The following MAST2 variants were observed in gnomAD, a reference collection of about 807,000 sequenced individuals.
MAST2 encodes the protein microtubule associated serine/threonine kinase 2.
In MAST2, 70 loss-of-function variants were observed where a neutral mutation model predicts 147.4. The ratio of observed to expected loss-of-function variants is 0.47; its 90% CI spans 0.39 to 0.58. The LOEUF (loss-of-function observed/expected upper bound fraction) is 0.58. MAST2 is among the 20% of genes least tolerant of loss of function. The pLI, the probability that MAST2 is intolerant of heterozygous loss-of-function variation, is 0.00. For synonymous variants in MAST2, 869 were observed against 896.8 expected, an observed-to-expected ratio of 0.97 and a Z score of 0.55; for missense variants, 2,080 against 2,302.3, an observed-to-expected ratio of 0.90 and a Z score of 1.98.
intron 3 of MAST2, among the ~76,000 whole-genome samples, chr1:45,855,791 G>C (rs938172403): frequency 3.3e-5 from 5 of 152,038 alleles, no homozygotes; most frequent in African/African-American, 9.7e-5. Flanking sequence ...TTTTCAAATA[G>C]GACAGTTTTA....
intron 3 of MAST2, among the ~76,000 whole-genome samples, chr1:45,871,220 C>T (rs1395387555): frequency 2.7e-5 from 4 of 147,754 alleles, no homozygotes; most frequent in Admixed American, 1.3e-4. Context: ...TTACTGTCCC[C>T]TTTTTTTTTT....
intron 5 of MAST2, among the ~76,000 whole-genome samples, chr1:45,990,842 TC>T (rs1234384014): frequency 2.0e-5 from 3 of 152,164 alleles, no homozygotes; most frequent in Non-Finnish European, 4.4e-5. Context: ...TTTTTCATTC[TC>T]TTAACAGTAT....
At chr1:45,915,892 A>G (rs1185367627) in intron 4 of MAST2, among the ~76,000 whole-genome samples, 4 of 152,198 alleles carry the variant, frequency 2.6e-5, no homozygotes, top group African/African-American at 9.6e-5. Flanking sequence ...AATTAGTTCT[A>G]ACATATATAT....
At position 46,034,264 on chromosome 1, in the gene MAST2, C is replaced by G. The variant is rs1177755422; in HGVS notation, c.3866C>G (p.Ser1289Ter). ...CGGGTGACCCCCGATGCTGTGCATT[C>G]AGGTACGAAGGGCTCCCTGCAGATC... Reference protein sequence around the residue: ...GYRVTPDAVHSVGGNSSQSSS... With the variant: ...GYRVTPDAVH The change falls in exon 28 of 29, where the codon TCA (serine) becomes TGA (stop). Residue 1289 changes from serine (S) to a stop codon, truncating the protein, a stop_gained and splice_region_variant. Transcript: ENST00000361297. LOFTEE classifies it low-confidence loss of function (END_TRUNC). 1.2e-6 allele frequency: 2 copies of G among 1,611,388 alleles called. No homozygotes were observed. Among genetic ancestry groups the G allele is most frequent in the Non-Finnish European group, 1.7e-6 (2 of 1,178,570 alleles).
intron 5 of MAST2, among the ~76,000 whole-genome samples, chr1:45,985,778 T>G (rs1329622186): frequency 6.6e-6 from 1 of 152,256 alleles, no homozygotes; most frequent in Non-Finnish European, 1.5e-5. Context: ...ATTTAGATCA[T>G]CTTTAATTTC....
chr1:45,890,643 T>C (rs1472880195), intron 4 of MAST2, among the ~76,000 whole-genome samples: 1 of 152,186 alleles, frequency 6.6e-6, no homozygotes, highest in African/African-American at 2.4e-5. Flanking sequence ...ATAGTCAGAT[T>C]GGGGGTAAAA....
chr1:45,834,912 CA>C (rs1386917876), intron 3 of MAST2, among the ~76,000 whole-genome samples: 1 of 151,904 alleles, frequency 6.6e-6, no homozygotes, highest in African/African-American at 2.4e-5. Flanking sequence ...TCCATCCGCC[CA>C]AGCCAGTTCT....
At chr1:45,951,316 C>T (rs562612554) in intron 4 of MAST2, among the ~76,000 whole-genome samples, 1 of 152,212 alleles carries the variant, frequency 6.6e-6, no homozygotes, top group African/African-American at 2.4e-5. Context: ...GACATGATGG[C>T]TTATGCCTGT....
intron 1 of MAST2, among the ~76,000 whole-genome samples, chr1:45,810,269 A>G (rs560403941): frequency 6.6e-6 from 1 of 152,334 alleles, no homozygotes; most frequent in African/African-American, 2.4e-5. Flanking sequence ...AGTTCCTAAA[A>G]TACCCTCAGT....
At chr1:45,940,786 A>G (rs1331198469) in intron 4 of MAST2, among the ~76,000 whole-genome samples, 1 of 151,824 alleles carries the variant, frequency 6.6e-6, no homozygotes, top group Non-Finnish European at 1.5e-5. Context: ...CGCCCTGCTA[A>G]TTTTTTTGTA....
At chr1:45,877,336 C>T (rs1257433673) in intron 3 of MAST2, among the ~76,000 whole-genome samples, 2 of 152,126 alleles carry the variant, frequency 1.3e-5, no homozygotes, top group Non-Finnish European at 2.9e-5. Flanking sequence ...AAGGGATTCT[C>T]CTGCCTCAAT....
intron 3 of MAST2, among the ~76,000 whole-genome samples, chr1:45,859,422 G>T (rs1449502776): frequency 6.6e-6 from 1 of 152,184 alleles, no homozygotes; most frequent in Non-Finnish European, 1.5e-5. Flanking sequence ...TTTGAAGAAT[G>T]AATAGGAGTT....
At chr1:45,823,427 C>T (rs1299766931) in intron 1 of MAST2, among the ~76,000 whole-genome samples, 1 of 151,780 alleles carries the variant, frequency 6.6e-6, no homozygotes, top group Non-Finnish European at 1.5e-5. Context: ...CCTCTGCCTC[C>T]TGGGTTCAAG....
intron 4 of MAST2, chr1:45,913,799 G>A (rs1290983163): frequency 2.6e-6 from 3 of 1,165,572 alleles, no homozygotes; most frequent in Non-Finnish European, 3.2e-6. Flanking sequence ...CAAGACTCCA[G>A]TGTGAGGGCA....
intron 1 of MAST2, 36 bp downstream of exon 1, chr1:45,804,108 A>C: frequency 6.5e-6 from 8 of 1,222,208 alleles, no homozygotes; most frequent in East Asian, 3.6e-5. Flanking sequence ...GTGAACCTGA[A>C]TGGAAGCCGT....
intron 5 of MAST2, among the ~76,000 whole-genome samples, chr1:45,972,851 G>A (rs562365980): frequency 6.6e-6 from 1 of 152,090 alleles, no homozygotes; most frequent in Admixed American, 6.5e-5. Context: ...TCCTGTTCTA[G>A]TGGAATCATA....
At chr1:45,981,846 CT>C (rs34353072) in intron 5 of MAST2, among the ~76,000 whole-genome samples, 303 of 141,010 alleles carry the variant, frequency 2.1e-3, no homozygotes, top group East Asian at 0.016. Context: ...GTAATTTTGG[CT>C]TTTTTTTTTT....
At position 46,031,664 on chromosome 1, in the gene MAST2, G is replaced by A; in HGVS notation, c.3187+79G>A. On this transcript the variant is annotated intron_variant, in intron 24 of 28. Transcript: ENST00000361297. This position sits in a 1 kb window ranked among gnomAD's most constrained non-coding sequence, Gnocchi z 4.1. ...TAGGCCTTGGGAGGGTTCTGCACGT[G>A]GCAGGTGTGTGTGTGTGTGTTAAGC... The A allele has an allele frequency of 7.2e-7, 1 of 1,390,740 alleles. No individual in the cohort carries two copies. Among genetic ancestry groups the A allele is most frequent in the Non-Finnish European group, 9.8e-7 (1 of 1,016,452 alleles). 86.1% of individuals were successfully genotyped at this position (1,390,740 alleles called of 1,614,324 possible). A position where few individuals can be genotyped will look rare whatever the true frequency, so the allele number is the denominator to read the frequency against.
intron 5 of MAST2, among the ~76,000 whole-genome samples, chr1:45,974,816 G>C (rs1487004804): frequency 6.6e-6 from 1 of 152,128 alleles, no homozygotes; most frequent in Non-Finnish European, 1.5e-5. Flanking sequence ...AACTTCTCAG[G>C]CTAGGATTTT....
Sources: allele counts gnomAD v4.1 joint callset (sites outside exome capture counted in the v4.1 genomes callset), GRCh38; gene constraint gnomAD v4.1.1; non-coding constraint Gnocchi (gnomAD v3.1); transcripts MANE v1.5; gene names NCBI Gene and HGNC (gene_info 2026-07-23, HGNC 2026-07-21).